EPB41L5: variants seen among roughly 807,000 people sequenced by gnomAD.
EPB41L5 encodes band 4.1-like protein 5.
A neutral mutation model predicts 106.6 loss-of-function variants in EPB41L5; 55 were observed. The observed-to-expected ratio is 0.52, with a 90% confidence interval of 0.42 to 0.65. The LOEUF (loss-of-function observed/expected upper bound fraction) is 0.65. Ranked by LOEUF, EPB41L5 falls within the 30% of genes least tolerant of loss-of-function variation. EPB41L5 has a pLI of 0.00. For missense variants in EPB41L5, 871 were observed against 882.1 expected (o/e 0.99, Z 0.16); for synonymous variants, 297 against 306.7 (o/e 0.97, Z 0.33).
rs1247559984 is a variant in EPB41L5 at position 120,093,863 on chromosome 2, T to C, written c.1178+587T>C. ...TTGGGAAGAATTTGTAAATAATGGG[T>C]ATTAATTATTTAAATGTATGGTAGA... On this transcript the variant is annotated intron_variant, in intron 14 of 24. Transcript: ENST00000263713. Among the ~76,000 whole-genome samples the C allele has an allele frequency of 2.0e-5, 3 of 152,338 alleles. No individual in the cohort carries two copies. In the East Asian group the frequency reaches 5.8e-4, roughly 29 times the overall value.
At chr2:120,096,986 G>T (rs912911937) in intron 14 of EPB41L5, among the ~76,000 whole-genome samples, 6 of 152,184 alleles carry the variant, frequency 3.9e-5, no homozygotes, top group African/African-American at 1.2e-4. Flanking sequence ...GCAATGGTAC[G>T]TAGTTGAAAA....
chr2:120,166,478 G>A (rs1687417419), intron 22 of EPB41L5, among the ~76,000 whole-genome samples: 1 of 148,420 alleles, frequency 6.7e-6, no homozygotes, highest in South Asian at 2.1e-4. Flanking sequence ...TTTTTGAGAT[G>A]GAGTCTTGCT....
At chr2:120,041,441 G>A (rs899857299) in intron 2 of EPB41L5, among the ~76,000 whole-genome samples, 1 of 152,058 alleles carries the variant, frequency 6.6e-6, no homozygotes, top group Non-Finnish European at 1.5e-5. Flanking sequence ...ACTATTTGGT[G>A]TCTTCTGCAT....
chr2:120,093,423 G>T, intron 14 of EPB41L5, 147 bp downstream of exon 14: 1 of 725,588 alleles, frequency 1.4e-6, no homozygotes, highest in Non-Finnish European at 2.4e-6. Flanking sequence ...AACATGTAAT[G>T]CCAGATAAAA....
rs543771724 is a variant in EPB41L5, at chr2:120,150,657, A to T, written c.1793+4368A>T. On this transcript the variant is annotated intron_variant, in intron 20 of 24. Transcript: ENST00000263713. Reference sequence around the variant, plus strand: ...GTGCCTGCCCACCCCATTTATTTTTATTTCTTTTTTTTTTCTAATCCCATG... The same window carrying T: ...GTGCCTGCCCACCCCATTTATTTTTTTTTCTTTTTTTTTTCTAATCCCATG... Among the ~76,000 whole-genome samples, 21 of 150,424 alleles carry T rather than the reference A, an allele frequency of 1.4e-4. No homozygotes were observed. In the South Asian group the frequency reaches 1.5e-3, roughly 11 times the overall value.
chr2:120,138,953 C>A (rs1359881829), intron 18 of EPB41L5, among the ~76,000 whole-genome samples: 2 of 151,868 alleles, frequency 1.3e-5, no homozygotes, highest in African/African-American at 4.8e-5. Flanking sequence ...CTATAGTAAC[C>A]AAAACTCATG....
chr2:120,030,884 A>G (rs1472822305), intron 2 of EPB41L5, among the ~76,000 whole-genome samples: 1 of 149,818 alleles, frequency 6.7e-6, no homozygotes, highest in South Asian at 2.1e-4. Flanking sequence ...TTAATTAATT[A>G]ATTTATTTAG....
intron 2 of EPB41L5, among the ~76,000 whole-genome samples, chr2:120,026,828 A>T (rs1322054646): frequency 6.6e-6 from 1 of 152,266 alleles, no homozygotes; most frequent in Non-Finnish European, 1.5e-5. Flanking sequence ...AAGTATTTGC[A>T]AATTATATAT....
intron 16 of EPB41L5, among the ~76,000 whole-genome samples, chr2:120,107,146 T>C (rs190311671): frequency 6.6e-6 from 1 of 152,298 alleles, no homozygotes; most frequent in East Asian, 1.9e-4. Context: ...TATTTACTAA[T>C]GTAAACTGAA....
intron 20 of EPB41L5, among the ~76,000 whole-genome samples, chr2:120,154,084 CTTTG>C (rs1160543874): frequency 1.3e-5 from 2 of 149,530 alleles, no homozygotes; most frequent in African/African-American, 2.5e-5. Context: ...TTACTGTCTT[CTTTG>C]TTTAACGTTT....
At chr2:120,104,063 C>T (rs1316546560) in intron 16 of EPB41L5, 4 of 1,533,160 alleles carry the variant, frequency 2.6e-6, no homozygotes, top group Non-Finnish European at 3.5e-6. Flanking sequence ...CATCCAGGCT[C>T]TCTGCTGCCA....
intron 2 of EPB41L5, among the ~76,000 whole-genome samples, chr2:120,038,461 G>GTT (rs1679183379): frequency 6.6e-6 from 1 of 152,188 alleles, no homozygotes; most frequent in Non-Finnish European, 1.5e-5. Context: ...GTAGAAAACA[G>GTT]TTTGACAGTT....
rs1300713935 is a variant in EPB41L5 at position 120,042,056 on chromosome 2, C to T, written c.231C>T (p.Asp77=). ...ELFDQIMYHL[D]LIESDYFGLR... Reference sequence around the variant, plus strand: ...TTGATCAGATTATGTACCACCTGGACCTGATTGAAAGCGACTATTTTGGTC... The same window carrying T: ...TTGATCAGATTATGTACCACCTGGATCTGATTGAAAGCGACTATTTTGGTC... The change falls in exon 3 of 25, where the codon GAC becomes GAT. Residue 77 remains aspartate, a synonymous_variant. Coordinates refer to ENST00000263713, the MANE Select transcript of EPB41L5 (RefSeq NM_020909.4). 3 of 1,613,552 alleles carry T rather than the reference C, an allele frequency of 1.9e-6. No homozygotes were observed. The highest frequency in any genetic ancestry group is 8.5e-7 in the Non-Finnish European group (1 of 1,179,636).
intron 3 of EPB41L5, among the ~76,000 whole-genome samples, chr2:120,065,117 A>G (rs1478703829): frequency 6.6e-6 from 1 of 152,042 alleles, no homozygotes; most frequent in Admixed American, 6.6e-5. Flanking sequence ...TTTTATGTTT[A>G]TTTATGTACT....
chr2:120,110,468 TA>T (rs1684671529), intron 16 of EPB41L5, among the ~76,000 whole-genome samples: 1 of 152,174 alleles, frequency 6.6e-6, no homozygotes, highest in African/African-American at 2.4e-5. Context: ...CCTGAACTTT[TA>T]AATTTCCACA....
chr2:120,015,187 C>T (rs1158322508), intron 1 of EPB41L5, among the ~76,000 whole-genome samples: 5 of 151,860 alleles, frequency 3.3e-5, no homozygotes, highest in Admixed American at 1.3e-4. Flanking sequence ...ATTAGCCGGT[C>T]GTAGCGGCGG....
chr2:120,172,739 G>C (rs920637150), intron 24 of EPB41L5, among the ~76,000 whole-genome samples: 12 of 152,150 alleles, frequency 7.9e-5, no homozygotes, highest in Non-Finnish European at 1.5e-4. Flanking sequence ...GATTTACCCA[G>C]AGAAAGGTGA....
intron 3 of EPB41L5, among the ~76,000 whole-genome samples, chr2:120,067,081 G>A (rs539524764): frequency 6.6e-6 from 1 of 152,320 alleles, no homozygotes; most frequent in African/African-American, 2.4e-5. Context: ...AAGATTGCTA[G>A]ATTGAAATAG....
At chr2:120,160,720 A>G in intron 20 of EPB41L5, 161 bp from the exon 21 acceptor site, 1 of 594,704 alleles carries the variant, frequency 1.7e-6, no homozygotes, top group South Asian at 2.2e-5. Flanking sequence ...ATGATGTCTC[A>G]TCATAGTTTG....
Sources: allele counts gnomAD v4.1 joint callset (sites outside exome capture counted in the v4.1 genomes callset), GRCh38; gene constraint gnomAD v4.1.1; transcripts MANE v1.5; gene names NCBI Gene and HGNC (gene_info 2026-07-23, HGNC 2026-07-21).